Variants in DPP6 observed in about 807,000 individuals in gnomAD.
The protein encoded by DPP6 is A-type potassium channel modulatory protein DPP6.
Under a neutral mutation model 122.6 loss-of-function variants are expected in DPP6, and 69 were observed. The ratio of observed to expected loss-of-function variants is 0.56; its 90% CI spans 0.46 to 0.69. The LOEUF (loss-of-function observed/expected upper bound fraction) is 0.69. Among genes scored for constraint, DPP6 ranks in the 30% least tolerant of loss-of-function variants. DPP6 has a pLI of 0.00. For synonymous variants in DPP6, 418 were observed against 433.1 expected (o/e 0.97, Z 0.43); for missense variants, 928 against 1,116.9 (o/e 0.83, Z 2.41).
chr7:154,488,944 A>G (rs539402283), intron 3 of DPP6, among the ~76,000 whole-genome samples: 9 of 152,188 alleles, frequency 5.9e-5, no homozygotes, highest in Non-Finnish European at 1.2e-4. Context: ...CTGTTTTCCA[A>G]AATACACTAA....
the DPP6 span, among the ~76,000 whole-genome samples, chr7:153,828,424 AC>A: frequency 6.6e-6 from 1 of 152,198 alleles, no homozygotes; most frequent in African/African-American, 2.4e-5. Flanking sequence ...AAGGGTGGGC[AC>A]CTGGGACCCC....
At chr7:154,660,112 A>C (rs186856970) in intron 6 of DPP6, among the ~76,000 whole-genome samples, 1 of 152,374 alleles carries the variant, frequency 6.6e-6, no homozygotes, top group Admixed American at 6.5e-5. Flanking sequence ...TGGAAGAAGT[A>C]AAGGACTCCT....
rs140199993 is a variant in DPP6 at position 154,276,014 on chromosome 7, T to G, written c.244-170200T>G. On this transcript the variant is annotated intron_variant, in intron 1 of 25. Transcript: ENST00000377770. ...GAGATAGTAAGACCTTGCCAGTGCC[T>G]TGAAGTTATCTATTTAACCTAGCAT... Among the ~76,000 whole-genome samples the G allele has an allele frequency of 8.3e-4, 126 of 152,354 alleles. 2 individuals are homozygous for G. Among genetic ancestry groups the G allele is most frequent in the African/African-American group, 3.0e-3 (123 of 41,584 alleles).
intron 8 of DPP6, among the ~76,000 whole-genome samples, chr7:154,769,102 G>T (rs1390122298): frequency 6.6e-6 from 1 of 152,116 alleles, no homozygotes; most frequent in Non-Finnish European, 1.5e-5. Context: ...AACTCAAAAG[G>T]ACGTGTTGGG....
intron 1 of DPP6, chr7:154,095,223 G>T (rs559269190): frequency 1.3e-5 from 2 of 149,316 alleles, no homozygotes; most frequent in Admixed American, 6.7e-5. Flanking sequence ...TAAATCACAC[G>T]TCCAAGACCA....
At chr7:154,855,502 C>T (rs889658892) in intron 17 of DPP6, among the ~76,000 whole-genome samples, 1 of 152,210 alleles carries the variant, frequency 6.6e-6, no homozygotes, top group Non-Finnish European at 1.5e-5. Flanking sequence ...TCCAGCCTCA[C>T]CTGCGAGGTT....
At chr7:154,124,268 T>G in intron 1 of DPP6, among the ~76,000 whole-genome samples, 1 of 152,184 alleles carries the variant, frequency 6.6e-6, no homozygotes, top group Non-Finnish European at 1.5e-5. Flanking sequence ...GTGACAGAGC[T>G]GGTAGTTAAG....
chr7:153,788,950 A>G, the DPP6 span, among the ~76,000 whole-genome samples: 1 of 146,870 alleles, frequency 6.8e-6, no homozygotes, highest in African/African-American at 2.6e-5. Context: ...GGGCAACATG[A>G]GCGAAAGTCT....
intron 7 of DPP6, among the ~76,000 whole-genome samples, chr7:154,680,848 G>A (rs1322195450): frequency 1.3e-5 from 2 of 152,244 alleles, no homozygotes; most frequent in African/African-American, 4.8e-5. Context: ...ACCCTCCGGG[G>A]ATCACAGTGC....
At chr7:154,261,992 G>A (rs1379358562) in intron 1 of DPP6, among the ~76,000 whole-genome samples, 3 of 144,576 alleles carry the variant, frequency 2.1e-5, no homozygotes, top group Admixed American at 2.0e-4. Flanking sequence ...TGTAAGCAGG[G>A]AAGGAAGGAA....
chr7:154,422,208 C>G (rs1289302674), intron 1 of DPP6, among the ~76,000 whole-genome samples: 2 of 152,144 alleles, frequency 1.3e-5, no homozygotes, highest in African/African-American at 2.4e-5. Context: ...ATTGGCCAAA[C>G]CTAACTAAAA....
At chr7:154,433,047 C>A (rs1446824874) in intron 1 of DPP6, among the ~76,000 whole-genome samples, 1 of 151,538 alleles carries the variant, frequency 6.6e-6, no homozygotes. Context: ...CATTCTTAAA[C>A]CAGTTGCAAG....
chr7:154,854,356 T>C (rs1393697530), intron 17 of DPP6, among the ~76,000 whole-genome samples: 1 of 152,156 alleles, frequency 6.6e-6, no homozygotes, highest in East Asian at 1.9e-4. Context: ...CAGGCTCAAC[T>C]TTGAATACAG....
chr7:154,641,981 G>C (rs1586792693), intron 6 of DPP6, among the ~76,000 whole-genome samples: 1 of 152,154 alleles, frequency 6.6e-6, no homozygotes, highest in African/African-American at 2.4e-5. Context: ...TAGAATTGTA[G>C]TTGACTTTTT....
intron 7 of DPP6, among the ~76,000 whole-genome samples, chr7:154,699,803 T>G (rs999815032): frequency 1.3e-5 from 2 of 152,182 alleles, no homozygotes; most frequent in Admixed American, 6.5e-5. Flanking sequence ...AGGGCGACCT[T>G]GGGTCAGGGC....
intron 1 of DPP6, among the ~76,000 whole-genome samples, chr7:154,089,273 C>G (rs1054790457): frequency 6.7e-6 from 1 of 150,234 alleles, no homozygotes; most frequent in Non-Finnish European, 1.5e-5. Flanking sequence ...TGATTTTTTT[C>G]TTTCGTTTAA....
chr7:154,249,621 G>A (rs1348139180), intron 1 of DPP6, among the ~76,000 whole-genome samples: 1 of 152,128 alleles, frequency 6.6e-6, no homozygotes, highest in Non-Finnish European at 1.5e-5. Flanking sequence ...GTGGGGAGGA[G>A]GGGAGCTTTT....
chr7:154,631,973 G>A (rs1463474359), intron 5 of DPP6, among the ~76,000 whole-genome samples: 2 of 152,190 alleles, frequency 1.3e-5, no homozygotes, highest in African/African-American at 4.8e-5. Context: ...GCAGCCTCCT[G>A]AGCCACAATA....
chr7:154,474,249 C>T (rs566479080), intron 2 of DPP6, among the ~76,000 whole-genome samples: 2 of 152,288 alleles, frequency 1.3e-5, no homozygotes, highest in South Asian at 4.1e-4. Context: ...AGGATAAAAG[C>T]TCTCAGATTT....
Sources: allele counts gnomAD v4.1 joint callset (sites outside exome capture counted in the v4.1 genomes callset), GRCh38; gene constraint gnomAD v4.1.1; transcripts MANE v1.5; gene names NCBI Gene and HGNC (gene_info 2026-07-23, HGNC 2026-07-21).